The following NR6A1 variants were observed in gnomAD, a reference collection of about 807,000 sequenced individuals.
NR6A1 encodes the protein retinoic acid receptor-related testis-associated receptor.
A neutral mutation model predicts 59.1 loss-of-function variants in NR6A1; 7 were observed. The ratio of observed to expected loss-of-function variants is 0.12; its 90% CI spans 0.07 to 0.22. NR6A1 has a LOEUF of 0.22. Ranked by LOEUF, NR6A1 falls within the 10% of genes least tolerant of loss-of-function variation. The pLI is 1.00. For missense variants in NR6A1, 468 were observed against 611.6 expected, an observed-to-expected ratio of 0.77 and a Z score of 2.48; for synonymous variants, 243 against 236.1, an observed-to-expected ratio of 1.03 and a Z score of -0.27.
At chr9:124,548,528 G>T (rs894464181) in intron 3 of NR6A1, among the ~76,000 whole-genome samples, 2 of 152,038 alleles carry the variant, frequency 1.3e-5, no homozygotes, top group Admixed American at 6.6e-5. Flanking sequence ...TAAGGAAAAT[G>T]TAAGAAATGT....
At chr9:124,655,320 T>C (rs1837227678) in intron 2 of NR6A1, among the ~76,000 whole-genome samples, 1 of 152,208 alleles carries the variant, frequency 6.6e-6, no homozygotes, top group Non-Finnish European at 1.5e-5. Context: ...ATCCCAGTTA[T>C]ACATTTTACA....
chr9:124,644,271 CTTTTTT>C (rs35401605), intron 2 of NR6A1, among the ~76,000 whole-genome samples: 6 of 96,744 alleles, frequency 6.2e-5, no homozygotes, highest in South Asian at 3.3e-4. Flanking sequence ...ATTAAGTCTT[CTTTTTT>C]TTTTTTTTTT....
intron 2 of NR6A1, among the ~76,000 whole-genome samples, chr9:124,631,474 G>A (rs1198449266): frequency 6.6e-6 from 1 of 152,138 alleles, no homozygotes; most frequent in African/African-American, 2.4e-5. Flanking sequence ...AGCTTTAAAT[G>A]AAACCACTCT....
In NR6A1 at chr9:124,619,079, G is replaced by C. The variant is rs139323533; in HGVS notation, c.143-64509C>G. Among the ~76,000 whole-genome samples the C allele has an allele frequency of 4.6e-3, 703 of 152,164 alleles. 6 individuals carry two copies. Among genetic ancestry groups the C allele is most frequent in the African/African-American group, 0.016 (657 of 41,496 alleles). On this transcript the variant is annotated intron_variant, in intron 2 of 9. Transcript: ENST00000487099. Reference sequence around the variant, plus strand: ...ATTCACTGCAGCCCTATTCATAATAGAGAACAAATAAAAACAATCTAATTC... The same window carrying C: ...ATTCACTGCAGCCCTATTCATAATACAGAACAAATAAAAACAATCTAATTC...
intron 1 of NR6A1, among the ~76,000 whole-genome samples, chr9:124,737,664 G>C (rs1353537441): frequency 6.6e-6 from 1 of 152,116 alleles, no homozygotes; most frequent in Non-Finnish European, 1.5e-5. Context: ...TCAGGAGTTC[G>C]AGACCAGCAT....
intron 4 of NR6A1, among the ~76,000 whole-genome samples, chr9:124,542,780 A>G (rs1833489187): frequency 6.6e-6 from 1 of 151,842 alleles, no homozygotes; most frequent in Non-Finnish European, 1.5e-5. Context: ...CTCGTCTTGA[A>G]CTCCTGGCCT....
At chr9:124,681,117 C>CT (rs1838140687) in intron 2 of NR6A1, among the ~76,000 whole-genome samples, 1 of 152,180 alleles carries the variant, frequency 6.6e-6, no homozygotes, top group Non-Finnish European at 1.5e-5. Context: ...ACATAAAGCA[C>CT]TTCTGCACAG....
intron 2 of NR6A1, among the ~76,000 whole-genome samples, chr9:124,650,160 C>T (rs1837054847): frequency 6.6e-6 from 1 of 152,156 alleles, no homozygotes; most frequent in Non-Finnish European, 1.5e-5. Context: ...CACCACTATT[C>T]ACAACAGCCA....
chr9:124,756,555 C>T (rs770266144), intron 1 of NR6A1, among the ~76,000 whole-genome samples: 3 of 152,146 alleles, frequency 2.0e-5, no homozygotes, highest in Non-Finnish European at 4.4e-5. Flanking sequence ...ATTCTGAAAT[C>T]AGACCTGTTA....
intron 1 of NR6A1, among the ~76,000 whole-genome samples, chr9:124,761,939 T>C (rs1840794643): frequency 6.6e-6 from 1 of 152,118 alleles, no homozygotes. Flanking sequence ...TCAGTGAGAG[T>C]GCACTACCAC....
At chr9:124,681,538 C>T (rs1475929120) in intron 2 of NR6A1, among the ~76,000 whole-genome samples, 2 of 152,010 alleles carry the variant, frequency 1.3e-5, no homozygotes, top group South Asian at 2.1e-4. Context: ...GATAGGTTTT[C>T]GTTATGTTGG....
chr9:124,554,459 T>C lies in NR6A1; in HGVS notation c.254A>G (p.Lys85Arg). ...TACCCGTTTGTTGCAAATGCTCCGC[T>C]TGAAAAACCCTTTGCAGCCCTCACA... ...ISCEGCKGFFKRSICNKRVYR... is the reference protein window; with the variant it reads ...ISCEGCKGFFRRSICNKRVYR... The change falls in exon 3 of 10, where the codon AAG (lysine) becomes AGG (arginine). Residue 85 changes from lysine to arginine, a missense_variant. Around this residue, in one of 4 missense-constraint regions of NR6A1, gnomAD observed 66 missense variants for 139.2 expected, o/e 0.47. Coordinates refer to ENST00000487099, the MANE Select transcript of NR6A1 (RefSeq NM_033334.4). 1 of 1,614,176 alleles carries C rather than the reference T, an allele frequency of 6.2e-7. No homozygotes were observed. Among genetic ancestry groups the C allele is most frequent in the Non-Finnish European group, 8.5e-7 (1 of 1,180,024 alleles).
At chr9:124,545,621 T>C (rs572394335) in intron 3 of NR6A1, among the ~76,000 whole-genome samples, 1 of 152,274 alleles carries the variant, frequency 6.6e-6, no homozygotes, top group African/African-American at 2.4e-5. Context: ...AATAATAACA[T>C]CTCACATGTC....
chr9:124,701,950 C>T (rs939066608), intron 2 of NR6A1, among the ~76,000 whole-genome samples: 2 of 152,132 alleles, frequency 1.3e-5, no homozygotes, highest in Non-Finnish European at 2.9e-5. Flanking sequence ...GTTTTGAACT[C>T]CTGGCCTCAA....
intron 2 of NR6A1, among the ~76,000 whole-genome samples, chr9:124,710,419 A>C (rs1458656217): frequency 6.6e-6 from 1 of 152,152 alleles, no homozygotes; most frequent in Non-Finnish European, 1.5e-5. Flanking sequence ...ATACACACAC[A>C]ATGTTGAGGT....
rs190685598 is a variant in NR6A1, at chr9:124,521,547, C to G, written c.*1158G>C. The G allele has an allele frequency of 4.6e-5, 7 of 152,290 alleles. No individual in the cohort carries two copies. The highest frequency in any genetic ancestry group is 8.8e-5 in the Non-Finnish European group (6 of 68,118). The allele number at this position is 152,290 out of a possible 1,614,324, so 9.4% of individuals were successfully genotyped here. On this transcript the variant is annotated 3_prime_UTR_variant, in exon 10 of 10. Transcript: ENST00000487099. ...ACTTAGGGGCAACATTTCTGGTCAGCAGACAGGTGAATGGTCCTTCTCATT... is the reference window on the plus strand; with the variant it reads ...ACTTAGGGGCAACATTTCTGGTCAGGAGACAGGTGAATGGTCCTTCTCATT...
intron 2 of NR6A1, among the ~76,000 whole-genome samples, chr9:124,600,458 C>G (rs1263581252): frequency 3.9e-5 from 6 of 152,184 alleles, no homozygotes; most frequent in Non-Finnish European, 8.8e-5. Context: ...CAGGAAAAAA[C>G]TCAAGGATTG....
At position 124,771,283 on chromosome 9, in the gene NR6A1, G is replaced by GCCCCTCCGCGCCGCGC; in HGVS notation, c.-180_-165dup. ...GCCGCCCGGCTCCGCGCCGCTCCGC[G>GCCCCTCCGCGCCGCGC]CCCCTCCGCGCCGCGCCCCCTCAGC... On this transcript the variant is annotated 5_prime_UTR_variant, in exon 1 of 10. Transcript: ENST00000487099. 5.1e-6 allele frequency: 2 copies of GCCCCTCCGCGCCGCGC among 392,262 alleles called. No individual in the cohort carries two copies. Among genetic ancestry groups the GCCCCTCCGCGCCGCGC allele is most frequent in the East Asian group, 3.7e-5 (1 of 27,182 alleles). The allele number at this position is 392,262 out of a possible 1,614,324, so 24.3% of individuals were successfully genotyped here.
intron 2 of NR6A1, among the ~76,000 whole-genome samples, chr9:124,710,665 G>A (rs575374505): frequency 3.9e-5 from 6 of 152,146 alleles, no homozygotes; most frequent in Non-Finnish European, 8.8e-5. Flanking sequence ...AAAGCTACAT[G>A]CAAGTAACTT....
Sources: allele counts gnomAD v4.1 joint callset (sites outside exome capture counted in the v4.1 genomes callset), GRCh38; gene constraint gnomAD v4.1.1; regional missense constraint gnomAD v4.1.1; transcripts MANE v1.5; gene names NCBI Gene and HGNC (gene_info 2026-07-23, HGNC 2026-07-21).